Variants in IGSF21 observed in about 807,000 individuals in gnomAD.
The protein encoded by IGSF21 is immunoglobin superfamily member 21.
A neutral mutation model predicts 46.8 loss-of-function variants in IGSF21; 28 were observed. The ratio of observed to expected loss-of-function variants is 0.60; its 90% confidence interval spans 0.44 to 0.82. The LOEUF (loss-of-function observed/expected upper bound fraction) is 0.82. IGSF21 is among the 40% of genes least tolerant of loss of function. The pLI, the probability that IGSF21 is intolerant of heterozygous loss-of-function variation, is 0.00. For synonymous variants in IGSF21, 284 were observed against 273.6 expected, an observed-to-expected ratio of 1.04 and a Z score of -0.38; for missense variants, 624 against 665.5, an observed-to-expected ratio of 0.94 and a Z score of 0.69.
intron 5 of IGSF21, among the ~76,000 whole-genome samples, chr1:18,364,494 GC>G (rs1370384481): frequency 2.2e-5 from 3 of 133,524 alleles, no homozygotes; most frequent in African/African-American, 2.8e-5. Context: ...TCCCTCTCCC[GC>G]CCCCCTATCG....
intron 2 of IGSF21, among the ~76,000 whole-genome samples, chr1:18,260,396 A>G (rs987221830): frequency 6.6e-6 from 1 of 152,250 alleles, no homozygotes; most frequent in Non-Finnish European, 1.5e-5. Flanking sequence ...CTTCACCAGG[A>G]AATAATTCAG....
At chr1:18,230,495 T>C (rs1173377606) in intron 2 of IGSF21, among the ~76,000 whole-genome samples, 1 of 152,080 alleles carries the variant, frequency 6.6e-6, no homozygotes, top group Non-Finnish European at 1.5e-5. Context: ...CACATGCAAA[T>C]CACCCACTAG....
chr1:18,209,697 T>C (rs2084369927), intron 1 of IGSF21, among the ~76,000 whole-genome samples: 1 of 151,414 alleles, frequency 6.6e-6, no homozygotes, highest in Non-Finnish European at 1.5e-5. Flanking sequence ...CCTAACCTTG[T>C]GATTTGCCCA....
chr1:18,249,746 T>C (rs1049094152), intron 2 of IGSF21, among the ~76,000 whole-genome samples: 2 of 152,202 alleles, frequency 1.3e-5, no homozygotes, highest in Admixed American at 6.5e-5. Flanking sequence ...TGATTCTAGA[T>C]GCTAGGTTTT....
chr1:18,316,639 AT>A lies in IGSF21; in HGVS notation c.306-18249del, dbSNP rs542297801. On this transcript the variant is annotated intron_variant, in intron 3 of 9. Transcript: ENST00000251296. Reference sequence around the variant, plus strand: ...TCCTCCCGGATAAGACCCTGATTTGATTTTACCTCTTGGATTGATAGTGAGA... The same window carrying A: ...TCCTCCCGGATAAGACCCTGATTTGATTTACCTCTTGGATTGATAGTGAGA... 1.7e-3 allele frequency among the ~76,000 whole-genome samples: 253 copies of A among 152,064 alleles called. 1 individual carries two copies. The highest frequency in any genetic ancestry group is 2.8e-3 in the Non-Finnish European group (190 of 67,988).
At chr1:18,171,980 G>A (rs1179211962) in intron 1 of IGSF21, among the ~76,000 whole-genome samples, 1 of 152,156 alleles carries the variant, frequency 6.6e-6, no homozygotes, top group Non-Finnish European at 1.5e-5. Context: ...GAGGTACCTG[G>A]GAAGAAATAG....
At chr1:18,300,309 C>T (rs767973568) in intron 3 of IGSF21, among the ~76,000 whole-genome samples, 3 of 152,110 alleles carry the variant, frequency 2.0e-5, no homozygotes, top group Admixed American at 6.6e-5. Context: ...TTGGAAAGCC[C>T]GCTTCACACA....
chr1:18,214,196 G>A (rs1557590741), intron 1 of IGSF21, among the ~76,000 whole-genome samples: 1 of 152,136 alleles, frequency 6.6e-6, no homozygotes, highest in African/African-American at 2.4e-5. Context: ...CTGACAGAGG[G>A]GAATTTGATT....
At chr1:18,202,726 G>T (rs749381381) in intron 1 of IGSF21, among the ~76,000 whole-genome samples, 1 of 152,190 alleles carries the variant, frequency 6.6e-6, no homozygotes, top group Non-Finnish European at 1.5e-5. Context: ...CCCTTGATAC[G>T]TGGGGATTAC....
chr1:18,299,495 C>T (rs1421111936), intron 3 of IGSF21, among the ~76,000 whole-genome samples: 1 of 152,190 alleles, frequency 6.6e-6, no homozygotes, highest in Non-Finnish European at 1.5e-5. Context: ...TGTATATTTT[C>T]ATGAAGCATA....
chr1:18,294,898 C>A (rs927803535), intron 3 of IGSF21, among the ~76,000 whole-genome samples: 1 of 152,216 alleles, frequency 6.6e-6, no homozygotes, highest in African/African-American at 2.4e-5. Flanking sequence ...CGACGGGGCG[C>A]GGGACTCCGC....
intron 4 of IGSF21, among the ~76,000 whole-genome samples, chr1:18,347,534 G>T (rs2085906741): frequency 6.6e-6 from 1 of 152,318 alleles, no homozygotes; most frequent in South Asian, 2.1e-4. Context: ...AGTGGGGTGG[G>T]GATCTGTATC....
chr1:18,209,431 G>A (rs982376918), intron 1 of IGSF21, among the ~76,000 whole-genome samples: 1 of 151,854 alleles, frequency 6.6e-6, no homozygotes, highest in Non-Finnish European at 1.5e-5. Flanking sequence ...CCTGCATACA[G>A]AGGGCCCGCC....
chr1:18,165,738 C>T (rs1436372227), intron 1 of IGSF21, among the ~76,000 whole-genome samples: 3 of 152,230 alleles, frequency 2.0e-5, no homozygotes, highest in Non-Finnish European at 4.4e-5. Flanking sequence ...ATGTTCTTAG[C>T]TCCCACAATT....
chr1:18,161,084 C>T (rs1381539507), intron 1 of IGSF21, among the ~76,000 whole-genome samples: 4 of 152,046 alleles, frequency 2.6e-5, no homozygotes, highest in Non-Finnish European at 5.9e-5. Context: ...GCCTCCTTGG[C>T]CTGCACTTGA....
chr1:18,221,427 G>A (rs146190665), intron 1 of IGSF21, among the ~76,000 whole-genome samples: 4 of 152,066 alleles, frequency 2.6e-5, no homozygotes, highest in African/African-American at 7.2e-5. Flanking sequence ...CGCTGACCCC[G>A]TCCCCTGGGG....
At chr1:18,224,367 C>A (rs1163918862) in intron 1 of IGSF21, among the ~76,000 whole-genome samples, 1 of 152,154 alleles carries the variant, frequency 6.6e-6, no homozygotes, top group Non-Finnish European at 1.5e-5. Context: ...TCCTCAATAC[C>A]CCTATGGCTC....
rs536525441 is a variant in IGSF21, at chr1:18,367,076, C to A, written c.1015+1379C>A. Among the ~76,000 whole-genome samples the A allele has an allele frequency of 1.4e-4, 22 of 152,288 alleles. No homozygotes were observed. In the East Asian group the frequency reaches 3.7e-3, roughly 25 times the overall value. ...CCTCCCTGAGCCCGAGATGCCTGGGCTCATACTCCAAAACTCCTGTAGTGT... is the reference window on the plus strand; with the variant it reads ...CCTCCCTGAGCCCGAGATGCCTGGGATCATACTCCAAAACTCCTGTAGTGT... On this transcript the variant is annotated intron_variant, in intron 6 of 9. Transcript: ENST00000251296.
chr1:18,177,210 T>G (rs2086807493), intron 1 of IGSF21, among the ~76,000 whole-genome samples: 1 of 152,190 alleles, frequency 6.6e-6, no homozygotes, highest in East Asian at 1.9e-4. Context: ...TCTGGTGGCC[T>G]AGAGAATCCA....
Sources: gnomAD v4.1 joint callset for allele counts (sites outside exome capture counted in the v4.1 genomes callset) on GRCh38, gnomAD v4.1.1 for gene constraint, MANE v1.5 for transcripts, NCBI Gene and HGNC (gene_info 2026-07-23, HGNC 2026-07-21) for gene names.